AUTS2: variants seen among roughly 807,000 people sequenced by gnomAD.
AUTS2 encodes the protein autism susceptibility gene 2 protein.
A neutral mutation model predicts 112.4 loss-of-function variants in AUTS2; 17 were observed. The observed-to-expected ratio is 0.15, with a 90% confidence interval of 0.10 to 0.23. The LOEUF is 0.23. Ranked by LOEUF, AUTS2 falls within the 10% of genes least tolerant of loss-of-function variation. The probability of loss-of-function intolerance (pLI) is 1.00; values close to 1 mark genes in which losing one functional copy is unlikely to be tolerated. For missense variants in AUTS2, 1,510 were observed against 1,701.6 expected, an observed-to-expected ratio of 0.89 and a Z score of 1.98; for synonymous variants, 751 against 702.7, an observed-to-expected ratio of 1.07 and a Z score of -1.09.
At chr7:70,548,914 G>C (rs557939703) in intron 5 of AUTS2, among the ~76,000 whole-genome samples, 152 of 117,080 alleles carry the variant, frequency 1.3e-3, no homozygotes, top group Middle Eastern at 0.012. Context: ...GGATCATCTT[G>C]TCAATTTCTA....
intron 5 of AUTS2, among the ~76,000 whole-genome samples, chr7:70,613,036 T>G (rs891595270): frequency 2.0e-5 from 3 of 152,082 alleles, no homozygotes; most frequent in African/African-American, 7.2e-5. Context: ...CTTCTTCGCT[T>G]GGGTGCATTA....
intron 6 of AUTS2, among the ~76,000 whole-genome samples, chr7:70,746,177 C>T (rs1468157741): frequency 6.6e-6 from 1 of 152,138 alleles, no homozygotes; most frequent in Non-Finnish European, 1.5e-5. Context: ...GACAGAGTCT[C>T]ACTCTGTCAC....
intron 5 of AUTS2, among the ~76,000 whole-genome samples, chr7:70,697,292 C>T (rs1809169932): frequency 6.6e-6 from 1 of 152,096 alleles, no homozygotes; most frequent in African/African-American, 2.4e-5. Context: ...CTTCAATGTT[C>T]GTTTTGCACA....
At chr7:70,753,292 T>A (rs1788982698) in intron 6 of AUTS2, among the ~76,000 whole-genome samples, 1 of 152,126 alleles carries the variant, frequency 6.6e-6, no homozygotes, top group Admixed American at 6.5e-5. Flanking sequence ...TTGCTTTTAA[T>A]AGGAACCCTG....
intron 5 of AUTS2, among the ~76,000 whole-genome samples, chr7:70,567,165 G>C (rs556443732): frequency 2.0e-5 from 3 of 152,182 alleles, no homozygotes; most frequent in Admixed American, 2.0e-4. Context: ...TTCATGTCTC[G>C]ATCCAACTGG....
In AUTS2 at chr7:70,777,344, C is replaced by G; in HGVS notation, c.2004+170C>G. ...ACTCAGAAGTCTTACTTATTTTTTC[C>G]TAGAGTCAGGGTCTCACTCTGTTGC... On this transcript the variant is annotated intron_variant, in intron 14 of 18. Transcript: ENST00000342771. 9.2e-6 allele frequency: 6 copies of G among 652,624 alleles called. No individual in the cohort carries two copies. The South Asian group carries it at 1.1e-4, about 12-fold the overall frequency. The allele number at this position is 652,624 out of a possible 1,614,324, so 40.4% of individuals were successfully genotyped here. A position where few individuals can be genotyped will look rare whatever the true frequency, so the allele number is the denominator to read the frequency against.
chr7:70,228,914 GT>G (rs1377360089), intron 4 of AUTS2, among the ~76,000 whole-genome samples: 2 of 151,890 alleles, frequency 1.3e-5, no homozygotes, highest in African/African-American at 4.8e-5. Context: ...TATGCTTACT[GT>G]TTCCATTACT....
chr7:70,684,459 G>A (rs1164021345), intron 5 of AUTS2, among the ~76,000 whole-genome samples: 1 of 152,146 alleles, frequency 6.6e-6, no homozygotes, highest in Non-Finnish European at 1.5e-5. Flanking sequence ...TTAGACATCT[G>A]GCCAGTGGAG....
chr7:70,455,050 A>C (rs1278493916), intron 5 of AUTS2, among the ~76,000 whole-genome samples: 1 of 152,076 alleles, frequency 6.6e-6, no homozygotes, highest in Non-Finnish European at 1.5e-5. Flanking sequence ...CACACCCACC[A>C]CACAGACTTC....
intron 4 of AUTS2, among the ~76,000 whole-genome samples, chr7:70,347,304 C>T (rs1363697785): frequency 6.6e-6 from 1 of 152,184 alleles, no homozygotes; most frequent in Non-Finnish European, 1.5e-5. Flanking sequence ...AATACCTAAG[C>T]AGGTCTCTAT....
At chr7:70,209,055 A>G (rs1810722873) in intron 4 of AUTS2, among the ~76,000 whole-genome samples, 1 of 152,176 alleles carries the variant, frequency 6.6e-6, no homozygotes, top group East Asian at 1.9e-4. Flanking sequence ...TGTGTGGAGA[A>G]TATGCTCCCA....
chr7:70,045,749 C>A (rs1168476553), intron 2 of AUTS2, among the ~76,000 whole-genome samples: 1 of 150,456 alleles, frequency 6.6e-6, no homozygotes, highest in African/African-American at 2.4e-5. Context: ...GCTGGGATTA[C>A]AGGCGCATGC....
intron 4 of AUTS2, among the ~76,000 whole-genome samples, chr7:70,191,356 A>G (rs1298836587): frequency 6.6e-6 from 1 of 151,788 alleles, no homozygotes; most frequent in Non-Finnish European, 1.5e-5. Flanking sequence ...TATTTTTAGT[A>G]GAGACGGGGT....
chr7:69,784,720 T>C (rs1441060814), intron 1 of AUTS2, among the ~76,000 whole-genome samples: 1 of 152,132 alleles, frequency 6.6e-6, no homozygotes, highest in Admixed American at 6.5e-5. Context: ...CTTCAGAGAA[T>C]AGGAGGTTTT....
intron 2 of AUTS2, among the ~76,000 whole-genome samples, chr7:69,967,921 G>C (rs1222157800): frequency 6.6e-6 from 1 of 152,180 alleles, no homozygotes; most frequent in African/African-American, 2.4e-5. Flanking sequence ...AGTTGTATTT[G>C]TGAATGTATT....
intron 5 of AUTS2, among the ~76,000 whole-genome samples, chr7:70,642,907 C>T (rs1805922107): frequency 6.6e-6 from 1 of 152,228 alleles, no homozygotes; most frequent in Non-Finnish European, 1.5e-5. Context: ...ACTGACCCAT[C>T]CTCATAGAAG....
At chr7:70,459,402 G>C (rs528223677) in intron 5 of AUTS2, among the ~76,000 whole-genome samples, 5 of 152,168 alleles carry the variant, frequency 3.3e-5, no homozygotes, top group Non-Finnish European at 7.3e-5. Flanking sequence ...TTTGTAAGCT[G>C]AGTGTGTTTC....
At chr7:70,242,743 A>T (rs997134062) in intron 4 of AUTS2, among the ~76,000 whole-genome samples, 2 of 152,182 alleles carry the variant, frequency 1.3e-5, no homozygotes, top group African/African-American at 4.8e-5. Flanking sequence ...ACGTGCGCAC[A>T]TGTGAGTGTA....
At chr7:69,899,742 G>T (rs1794898436) in intron 2 of AUTS2, among the ~76,000 whole-genome samples, 1 of 152,234 alleles carries the variant, frequency 6.6e-6, no homozygotes, top group Non-Finnish European at 1.5e-5. Flanking sequence ...AACAAAGCTT[G>T]ATGCTAAGTG....
Sources: allele counts gnomAD v4.1 joint callset (sites outside exome capture counted in the v4.1 genomes callset), GRCh38; gene constraint gnomAD v4.1.1; transcripts MANE v1.5; gene names NCBI Gene and HGNC (gene_info 2026-07-23, HGNC 2026-07-21).